SLC2A13: variants seen among roughly 807,000 people sequenced by gnomAD.
SLC2A13 encodes the protein proton myo-inositol cotransporter.
SLC2A13 carries 32 observed loss-of-function variants against 64.4 expected under a neutral mutation model. That is an observed-to-expected ratio of 0.50 (90% CI 0.37 to 0.67). SLC2A13 has a LOEUF of 0.67. Ranked by LOEUF, SLC2A13 falls within the 30% of genes least tolerant of loss-of-function variation. SLC2A13 has a pLI of 0.00. For missense variants in SLC2A13, 743 were observed against 829.2 expected, an observed-to-expected ratio of 0.90 and a Z score of 1.28; for synonymous variants, 338 against 327.1, an observed-to-expected ratio of 1.03 and a Z score of -0.36.
Position 40,105,138 on chromosome 12 carries a change from TTC to T in SLC2A13, c.556+113_556+114del. Reference sequence around the variant, plus strand: ...CTCTGGAGGCCAGAGAAGTGGAGGATTCTCTGACCCTGGGAGACCAGACGGGG... The same window carrying T: ...CTCTGGAGGCCAGAGAAGTGGAGGATTCTGACCCTGGGAGACCAGACGGGG... On this transcript the variant is annotated intron_variant, in intron 1 of 9. Transcript: ENST00000280871. The surrounding 1 kb of genome is among the most constrained non-coding windows in gnomAD (Gnocchi z 4.2). 7.3e-7 allele frequency: 1 copy of T among 1,361,326 alleles called. No homozygotes were observed. Among genetic ancestry groups the T allele is most frequent in the Non-Finnish European group, 9.4e-7 (1 of 1,060,086 alleles). 84.3% of individuals were successfully genotyped at this position (1,361,326 alleles called of 1,614,324 possible).
chr12:39,897,175 C>T (rs1487723523), intron 4 of SLC2A13, among the ~76,000 whole-genome samples: 2 of 152,108 alleles, frequency 1.3e-5, no homozygotes, highest in Non-Finnish European at 1.5e-5. Flanking sequence ...GTTAATTTTT[C>T]TAGGACTCAA....
At chr12:39,968,619 T>A (rs1946572394) in intron 3 of SLC2A13, among the ~76,000 whole-genome samples, 1 of 151,860 alleles carries the variant, frequency 6.6e-6, no homozygotes, top group Non-Finnish European at 1.5e-5. Context: ...TGCCAATCAA[T>A]CCCTCTATCC....
chr12:39,801,868 A>G (rs1249414779), intron 7 of SLC2A13, among the ~76,000 whole-genome samples: 2 of 152,326 alleles, frequency 1.3e-5, no homozygotes, highest in African/African-American at 4.8e-5. Context: ...TTAGGAAAGC[A>G]GACATTACTC....
chr12:39,875,230 C>G (rs1044125736), intron 4 of SLC2A13, among the ~76,000 whole-genome samples: 5 of 152,146 alleles, frequency 3.3e-5, no homozygotes, highest in Non-Finnish European at 4.4e-5. Context: ...CCTGGAAGCT[C>G]CAGGGAAAAA....
chr12:40,025,428 T>G (rs1283911803), intron 3 of SLC2A13, among the ~76,000 whole-genome samples: 1 of 152,048 alleles, frequency 6.6e-6, no homozygotes, highest in Admixed American at 6.6e-5. Context: ...GAAAAAAAAA[T>G]TCCTATGAAA....
At chr12:39,770,773 A>T (rs1940536077) in intron 7 of SLC2A13, among the ~76,000 whole-genome samples, 1 of 152,124 alleles carries the variant, frequency 6.6e-6, no homozygotes, top group African/African-American at 2.4e-5. Context: ...ATGGTTTAAA[A>T]TCTTGCAGTT....
chr12:40,015,261 G>A (rs1194929648), intron 3 of SLC2A13, among the ~76,000 whole-genome samples: 1 of 151,784 alleles, frequency 6.6e-6, no homozygotes, highest in Non-Finnish European at 1.5e-5. Flanking sequence ...TATATTCGTG[G>A]CCTTTCTTTT....
chr12:39,788,144 T>C (rs1482156938), intron 7 of SLC2A13, among the ~76,000 whole-genome samples: 1 of 152,178 alleles, frequency 6.6e-6, no homozygotes, highest in East Asian at 1.9e-4. Context: ...ATGTGAGGGA[T>C]ACATTCCAAG....
chr12:40,001,022 A>G (rs930793625), intron 3 of SLC2A13, among the ~76,000 whole-genome samples: 13 of 152,246 alleles, frequency 8.5e-5, no homozygotes, highest in African/African-American at 3.1e-4. Context: ...AGAAATGATA[A>G]GAGAGGGCAT....
chr12:40,024,100 T>C (rs977725276), intron 3 of SLC2A13, among the ~76,000 whole-genome samples: 1 of 152,212 alleles, frequency 6.6e-6, no homozygotes, highest in Non-Finnish European at 1.5e-5. Context: ...TATGTCTCTA[T>C]CAGGATTCTG....
chr12:39,895,086 C>G (rs1944706103), intron 4 of SLC2A13, among the ~76,000 whole-genome samples: 1 of 152,074 alleles, frequency 6.6e-6, no homozygotes, highest in Admixed American at 6.5e-5. Context: ...CCAGGCTGGT[C>G]TTGAACTTCT....
intron 6 of SLC2A13, among the ~76,000 whole-genome samples, chr12:39,858,757 C>T (rs1943675293): frequency 6.6e-6 from 1 of 152,078 alleles, no homozygotes. Flanking sequence ...TAGGAGCCTG[C>T]CACCACACTT....
chr12:39,816,660 G>A (rs1478562699), intron 7 of SLC2A13, among the ~76,000 whole-genome samples: 8 of 146,936 alleles, frequency 5.4e-5, no homozygotes. Flanking sequence ...GTATTTTAGG[G>A]TATAAAGGAA....
chr12:39,962,520 CTG>C (rs1380851021), intron 3 of SLC2A13, among the ~76,000 whole-genome samples: 1 of 152,202 alleles, frequency 6.6e-6, no homozygotes, highest in African/African-American at 2.4e-5. Flanking sequence ...GCATCTCTGC[CTG>C]AACTCCTCAT....
At chr12:39,790,357 C>T (rs963263127) in intron 7 of SLC2A13, among the ~76,000 whole-genome samples, 1 of 144,000 alleles carries the variant, frequency 6.9e-6, no homozygotes, top group Non-Finnish European at 1.5e-5. Context: ...TCTCCCAATG[C>T]TATCCCTCCC....
intron 3 of SLC2A13, among the ~76,000 whole-genome samples, chr12:40,011,012 C>T (rs568922599): frequency 1.3e-5 from 2 of 152,278 alleles, no homozygotes; most frequent in Admixed American, 1.3e-4. Context: ...TGTTAAGTTA[C>T]ACTTCCTACT....
chr12:40,095,965 C>T (rs572044444), intron 1 of SLC2A13, among the ~76,000 whole-genome samples: 2 of 152,248 alleles, frequency 1.3e-5, no homozygotes, highest in South Asian at 2.1e-4. Flanking sequence ...GACGGAGTCT[C>T]GCTCTGTCGC....
At position 39,886,539 on chromosome 12, in the gene SLC2A13, G is replaced by A. The variant is rs1483388783; in HGVS notation, c.1035-14578C>T. 4.6e-5 allele frequency among the ~76,000 whole-genome samples: 7 copies of A among 151,956 alleles called. No homozygotes were observed. In the South Asian group the frequency reaches 6.2e-4, roughly 14 times the overall value. On this transcript the variant is annotated intron_variant, in intron 4 of 9. Transcript: ENST00000280871. ...TTCATTTTAATTCTCAGATCCCACC[G>A]AGAAGTATTGAACCATCTGGCTAAT...
At chr12:39,900,625 T>C (rs1383461633) in intron 4 of SLC2A13, among the ~76,000 whole-genome samples, 2 of 152,048 alleles carry the variant, frequency 1.3e-5, no homozygotes, top group Non-Finnish European at 2.9e-5. Flanking sequence ...GGAATCCAAC[T>C]TACAAGGGAC....
Sources: gnomAD v4.1 joint callset for allele counts (sites outside exome capture counted in the v4.1 genomes callset) on GRCh38, gnomAD v4.1.1 for gene constraint, Gnocchi (gnomAD v3.1) non-coding constraint, MANE v1.5 for transcripts, NCBI Gene and HGNC (gene_info 2026-07-23, HGNC 2026-07-21) for gene names.